LRP6: variants seen among roughly 807,000 people sequenced by gnomAD.
LRP6 encodes the protein low-density lipoprotein receptor-related protein 6.
In LRP6, 43 loss-of-function variants were observed where a neutral mutation model predicts 184.1. The observed-to-expected ratio is 0.23, with a 90% CI of 0.18 to 0.30. LRP6 has a LOEUF of 0.30. Among genes scored for constraint, LRP6 ranks in the 10% least tolerant of loss-of-function variants. The pLI is 1.00. For synonymous variants in LRP6, 719 were observed against 684.9 expected (o/e 1.05, Z -0.78); for missense variants, 1,571 against 2,005.3 (o/e 0.78, Z 4.14).
intron 2 of LRP6, among the ~76,000 whole-genome samples, chr12:12,219,521 T>A (rs1245339723): frequency 6.6e-6 from 1 of 152,120 alleles, no homozygotes; most frequent in Non-Finnish European, 1.5e-5. Context: ...TCCGCTTTTG[T>A]ATCTACCATT....
At chr12:12,142,978 G>GA (rs1172630931) in intron 15 of LRP6, among the ~76,000 whole-genome samples, 2 of 151,754 alleles carry the variant, frequency 1.3e-5, no homozygotes, top group African/African-American at 2.4e-5. Context: ...TATAAGGAAA[G>GA]AAAAAAACAC....
chr12:12,243,881 G>A (rs1479399941), intron 2 of LRP6, among the ~76,000 whole-genome samples: 8 of 152,136 alleles, frequency 5.3e-5, no homozygotes, highest in African/African-American at 1.7e-4. Flanking sequence ...CACCCGTCTA[G>A]CTAGGATTAC....
chr12:12,125,457 TGAA>T, intron 20 of LRP6, 25 bp from the exon 21 acceptor site: 1 of 1,606,970 alleles, frequency 6.2e-7, no homozygotes, highest in African/African-American at 1.3e-5. Context: ...GGTTAAAAAC[TGAA>T]GATGAGTATG....
intron 2 of LRP6, among the ~76,000 whole-genome samples, chr12:12,226,371 G>C (rs1368503153): frequency 6.6e-6 from 1 of 152,142 alleles, no homozygotes; most frequent in African/African-American, 2.4e-5. Flanking sequence ...AATATGGCAA[G>C]AATATTGCAA....
intron 3 of LRP6, among the ~76,000 whole-genome samples, chr12:12,197,382 T>C (rs1391002776): frequency 6.6e-6 from 1 of 152,206 alleles, no homozygotes; most frequent in Non-Finnish European, 1.5e-5. Context: ...AACACCACAA[T>C]TTGGGTGCTA....
intron 2 of LRP6, among the ~76,000 whole-genome samples, chr12:12,239,879 T>C (rs965759578): frequency 6.6e-6 from 1 of 151,954 alleles, no homozygotes; most frequent in African/African-American, 2.4e-5. Flanking sequence ...CAATAAATGC[T>C]AGGAGATATG....
At chr12:12,206,927 T>C (rs1214057998) in intron 2 of LRP6, among the ~76,000 whole-genome samples, 2 of 148,892 alleles carry the variant, frequency 1.3e-5, no homozygotes, top group African/African-American at 2.5e-5. Flanking sequence ...CCTTAAGCAA[T>C]TAAAAAAAAA....
rs141604391 is a variant in LRP6 at position 12,125,940 on chromosome 12, C to A, written c.4313-508G>T. Among the ~76,000 whole-genome samples the A allele has an allele frequency of 3.1e-3, 465 of 152,278 alleles. 4 individuals are homozygous for A. The highest frequency in any genetic ancestry group is 9.8e-3 in the African/African-American group (408 of 41,542). On this transcript the variant is annotated intron_variant, in intron 20 of 22. Coordinates refer to ENST00000261349, the MANE Select transcript of LRP6 (RefSeq NM_002336.3). ...TTTCCAAGAAGCTTCCCAAATTCCACTAACTGAAAATAGGTATGGCAACAA... is the reference window on the plus strand; with the variant it reads ...TTTCCAAGAAGCTTCCCAAATTCCAATAACTGAAAATAGGTATGGCAACAA...
intron 12 of LRP6, among the ~76,000 whole-genome samples, chr12:12,153,268 C>T (rs760106846): frequency 1.3e-5 from 2 of 152,166 alleles, no homozygotes; most frequent in Non-Finnish European, 2.9e-5. Context: ...GCAGTAGGAT[C>T]ACTTGAGGCT....
intron 17 of LRP6, among the ~76,000 whole-genome samples, 185 bp from the exon 18 acceptor site, chr12:12,132,242 C>T (rs1012998753): frequency 1.3e-5 from 2 of 152,190 alleles, no homozygotes; most frequent in East Asian, 3.8e-4. Context: ...ACTTCCTTTA[C>T]ATTCACTATA....
intron 2 of LRP6, among the ~76,000 whole-genome samples, chr12:12,243,718 C>A (rs545415613): frequency 3.3e-4 from 51 of 152,240 alleles, no homozygotes; most frequent in Non-Finnish European, 6.5e-4. Context: ...GGGTTCAAGA[C>A]CAGCCTGGGC....
chr12:12,149,106 T>C lies in LRP6; in HGVS notation c.3042A>G (p.Ile1014Met). The C allele has an allele frequency of 6.2e-7, 1 of 1,614,012 alleles. No homozygotes were observed. Among genetic ancestry groups the C allele is most frequent in the South Asian group, 1.1e-5 (1 of 91,060 alleles). The change falls in exon 14 of 23, where the codon ATA becomes ATG. Residue 1014 changes from isoleucine (I) to methionine (M), a missense_variant. Ile to Met is a conservative substitution (Grantham distance 10). Coordinates refer to ENST00000261349, the MANE Select transcript of LRP6 (RefSeq NM_002336.3). ...VSSVPSQNLE[I>M]QPYDLSIDIY... ...TATCAATGCTGAGGTCATAGGGTTG[T>C]ATTTCCAGGTTCTGACTCGGAACTG... is the stretch of plus-strand genomic sequence containing the variant.
chr12:12,234,825 C>CA (rs1217283261), intron 2 of LRP6, among the ~76,000 whole-genome samples: 286 of 104,840 alleles, frequency 2.7e-3, no homozygotes, highest in Middle Eastern at 7.9e-3. Flanking sequence ...GACTACGTCT[C>CA]AAAAAAAAAA....
In LRP6 at chr12:12,149,094, G is replaced by A. The variant is rs1365414305; in HGVS notation, c.3054C>T (p.Asp1018=). The A allele has an allele frequency of 1.2e-5, 19 of 1,614,006 alleles. No individual in the cohort carries two copies. Among genetic ancestry groups the A allele is most frequent in the Non-Finnish European group, 1.4e-5 (16 of 1,179,990 alleles). The change falls in exon 14 of 23, where the codon GAC becomes GAT. Residue 1018 remains aspartate (D), a synonymous_variant. Transcript: ENST00000261349. Reference sequence around the variant, plus strand: ...AGCGGCTGTAAATATCAATGCTGAGGTCATAGGGTTGTATTTCCAGGTTCT... The same window carrying A: ...AGCGGCTGTAAATATCAATGCTGAGATCATAGGGTTGTATTTCCAGGTTCT... The part of the protein sequence containing the change: ...PSQNLEIQPY[D]LSIDIYSRYI...
chr12:12,133,346 T>C (rs900912275), intron 17 of LRP6, among the ~76,000 whole-genome samples: 2 of 152,114 alleles, frequency 1.3e-5, no homozygotes, highest in Admixed American at 6.5e-5. Context: ...AGATCCCTCA[T>C]GCCTTGGTGC....
chr12:12,196,837 C>T (rs1434110921), intron 3 of LRP6, among the ~76,000 whole-genome samples: 1 of 152,048 alleles, frequency 6.6e-6, no homozygotes, highest in Non-Finnish European at 1.5e-5. Flanking sequence ...GTTCTTACAC[C>T]AGAAGGCAAA....
chr12:12,195,943 G>T (rs373882184), intron 3 of LRP6, among the ~76,000 whole-genome samples: 4 of 152,078 alleles, frequency 2.6e-5, no homozygotes, highest in African/African-American at 9.7e-5. Context: ...TTATTGAAAA[G>T]ACTATCCTTT....
chr12:12,195,012 T>C (rs943358497), intron 3 of LRP6, among the ~76,000 whole-genome samples: 1 of 152,152 alleles, frequency 6.6e-6, no homozygotes, highest in Non-Finnish European at 1.5e-5. Context: ...GGTCTATCCA[T>C]ATTGCTGAGA....
At chr12:12,206,900 G>T (rs1864075291) in intron 2 of LRP6, among the ~76,000 whole-genome samples, 1 of 151,790 alleles carries the variant, frequency 6.6e-6, no homozygotes, top group Admixed American at 6.6e-5. Flanking sequence ...GGCTCTGTGA[G>T]TTCAGCAAAT....
Sources: allele counts gnomAD v4.1 joint callset (sites outside exome capture counted in the v4.1 genomes callset), GRCh38; gene constraint gnomAD v4.1.1; transcripts MANE v1.5; gene names NCBI Gene and HGNC (gene_info 2026-07-23, HGNC 2026-07-21).